CMYA5: variants seen among roughly 807,000 people sequenced by gnomAD.
CMYA5 encodes the protein cardiomyopathy associated 5.
CMYA5 carries 246 observed loss-of-function variants against 318.9 expected under a neutral mutation model. That is an observed-to-expected ratio of 0.77 (90% CI 0.70 to 0.86). CMYA5 has a LOEUF of 0.86. CMYA5 is among the 40% of genes least tolerant of loss of function. The pLI, the probability that CMYA5 is intolerant of heterozygous loss-of-function variation, is 0.00. For synonymous variants in CMYA5, 1,641 were observed against 1,729.5 expected (o/e 0.95, Z 1.27); for missense variants, 4,589 against 4,678.2 (o/e 0.98, Z 0.56).
intron 9 of CMYA5, among the ~76,000 whole-genome samples, chr5:79,773,728 G>T (rs564040767): frequency 1.1e-3 from 164 of 151,976 alleles, no homozygotes; most frequent in Non-Finnish European, 2.1e-3. Context: ...GAATGAAGGG[G>T]ATTAACCAAT....
chr5:79,703,441 C>T (rs746697637), intron 1 of CMYA5, among the ~76,000 whole-genome samples: 3 of 152,204 alleles, frequency 2.0e-5, no homozygotes, highest in Non-Finnish European at 2.9e-5. Context: ...CTGTCTTACA[C>T]ACCTTGGTAT....
rs1561209254 is a variant in CMYA5 at position 79,733,713 on chromosome 5, G to A, written c.4948G>A (p.Gly1650Arg). ...TTCTAGTGATTTAGGTAGACAAAGT[G>A]GATCCATAGGTACAAAACAAGCAAA... ...EFSSDLGRQSGSIGTKQAKSP... is the reference protein window; with the variant it reads ...EFSSDLGRQSRSIGTKQAKSP... Residue 1650 changes from glycine to arginine, a missense_variant, in exon 2 of 13, where the codon GGA (glycine) becomes AGA (arginine). Gly to Arg is a moderately radical substitution (Grantham distance 125). Transcript: ENST00000446378. The A allele has an allele frequency of 6.2e-7, 1 of 1,613,796 alleles. No individual in the cohort carries two copies. The highest frequency in any genetic ancestry group is 2.2e-5 in the East Asian group (1 of 44,882).
At chr5:79,794,342 A>G (rs557849120) in intron 12 of CMYA5, among the ~76,000 whole-genome samples, 12 of 152,302 alleles carry the variant, frequency 7.9e-5, no homozygotes, top group African/African-American at 2.9e-4. Flanking sequence ...TCTGTTCTAT[A>G]TTACCTGTAT....
chr5:79,691,168 G>T (rs1028444080), intron 1 of CMYA5, among the ~76,000 whole-genome samples: 1 of 152,208 alleles, frequency 6.6e-6, no homozygotes, highest in Non-Finnish European at 1.5e-5. Flanking sequence ...GCAGAAGAGG[G>T]AGTGTTGGGC....
Position 79,736,168 on chromosome 5 carries a change from C to A in CMYA5, c.7403C>A (p.Ala2468Glu), listed in dbSNP as rs768613090. The A allele has an allele frequency of 8.7e-6, 14 of 1,613,666 alleles. No individual in the cohort carries two copies. The highest frequency in any genetic ancestry group is 1.2e-5 in the Non-Finnish European group (14 of 1,179,756). ...DNLENRSYTL[A>E]EKKVLAEKQN... The stretch of plus-strand genomic sequence containing the variant: ...TTGGAAAACAGATCATATACCTTGG[C>A]AGAAAAGAAGGTGCTGGCAGAAAAA... The change falls in exon 2 of 13, where the codon GCA becomes GAA. Residue 2468 changes from alanine (A) to glutamate (E), a missense_variant. By Grantham distance (107) the Ala-to-Glu change is moderately radical (BLOSUM62 -1). Around this residue, in one of 3 missense-constraint regions of CMYA5, gnomAD observed 2,431 missense variants for 2,495.1 expected, o/e 0.97. Transcript: ENST00000446378.
chr5:79,799,416 G>A lies in CMYA5; in HGVS notation c.12010G>A (p.Glu4004Lys), dbSNP rs1351414595. The A allele has an allele frequency of 1.2e-6, 2 of 1,613,612 alleles. No homozygotes were observed. Among genetic ancestry groups the A allele is most frequent in the East Asian group, 4.5e-5 (2 of 44,862 alleles). ...SGIVSDVHVT[E>K]RPARVGILLD... is the part of the protein sequence containing the mutation. ...TATTGTGAGTGATGTTCATGTGACT[G>A]AGCGTCCAGCCAGAGTGGGCATCCT... Residue 4004 changes from glutamate to lysine, a missense_variant, in exon 13 of 13, where the codon GAG becomes AAG. Around this residue, in one of 3 missense-constraint regions of CMYA5, gnomAD observed 2,431 missense variants for 2,495.1 expected, o/e 0.97. Transcript: ENST00000446378.
chr5:79,768,010 T>C (rs1192927097), intron 9 of CMYA5, among the ~76,000 whole-genome samples: 1 of 152,218 alleles, frequency 6.6e-6, no homozygotes, highest in African/African-American at 2.4e-5. Context: ...ATATTTAGGA[T>C]AGTTAGCTCT....
chr5:79,738,882 G>A lies in CMYA5; in HGVS notation c.10117G>A (p.Val3373Ile), dbSNP rs368917635. ...GNASPEVNLNVPVQVSFPEEE... is the reference protein window; with the variant it reads ...GNASPEVNLNIPVQVSFPEEE... ...TGCAAGTCCAGAGGTCAATCTGAAT[G>A]TCCCAGTACAAGTGTCCTTCCCGGA... The change falls in exon 2 of 13, where the codon GTC (valine) becomes ATC (isoleucine). Residue 3373 changes from valine (V) to isoleucine (I), a missense_variant. Coordinates refer to ENST00000446378, the MANE Select transcript of CMYA5 (RefSeq NM_153610.5). 6.2e-7 allele frequency: 1 copy of A among 1,613,912 alleles called. No individual in the cohort carries two copies. Among genetic ancestry groups the A allele is most frequent in the Non-Finnish European group, 8.5e-7 (1 of 1,179,854 alleles).
At chr5:79,740,304 A>G in intron 2 of CMYA5, among the ~76,000 whole-genome samples, 1 of 152,234 alleles carries the variant, frequency 6.6e-6, no homozygotes, top group Non-Finnish European at 1.5e-5. Context: ...GAGACAACAC[A>G]GGGTCACTGC....
Position 79,730,291 on chromosome 5 carries a change from T to C in CMYA5, c.1526T>C (p.Ile509Thr). The C allele has an allele frequency of 6.2e-7, 1 of 1,613,858 alleles. No individual in the cohort carries two copies. The highest frequency in any genetic ancestry group is 8.5e-7 in the Non-Finnish European group (1 of 1,179,852). ...LMLEEPEKEEIETSLPIAITP... is the reference protein window; with the variant it reads ...LMLEEPEKEETETSLPIAITP... ...TTAGAAGAACCAGAGAAAGAAGAAATAGAAACTTCCCTACCCATAGCTATT... is the reference window on the plus strand; with the variant it reads ...TTAGAAGAACCAGAGAAAGAAGAAACAGAAACTTCCCTACCCATAGCTATT... Residue 509 changes from isoleucine to threonine, a missense_variant, in exon 2 of 13, where the codon ATA becomes ACA. Coordinates refer to ENST00000446378, the MANE Select transcript of CMYA5 (RefSeq NM_153610.5).
chr5:79,735,268 A>C lies in CMYA5; in HGVS notation c.6503A>C (p.Glu2168Ala). Residue 2168 changes from glutamate to alanine, a missense_variant, in exon 2 of 13, where the codon GAG becomes GCG. Coordinates refer to ENST00000446378, the MANE Select transcript of CMYA5 (RefSeq NM_153610.5). The part of the protein sequence containing the change: ...QPKVAKPDLP[E>A]EKGKKGISSF... ...AAGGTGGCTAAGCCGGACCTTCCTG[A>C]GGAAAAGGGAAAGAAAGGAATTTCA... The C allele has an allele frequency of 6.2e-7, 1 of 1,613,866 alleles. No homozygotes were observed. The highest frequency in any genetic ancestry group is 1.7e-5 in the Admixed American group (1 of 59,988).
chr5:79,760,203 T>A (rs553367384), intron 7 of CMYA5, among the ~76,000 whole-genome samples: 2 of 146,564 alleles, frequency 1.4e-5, no homozygotes, highest in East Asian at 2.1e-4. Flanking sequence ...TTTTTTTTTT[T>A]ACTGGGTTTC....
At chr5:79,712,410 A>G (rs1827412779) in intron 1 of CMYA5, among the ~76,000 whole-genome samples, 1 of 151,872 alleles carries the variant, frequency 6.6e-6, no homozygotes, top group Non-Finnish European at 1.5e-5. Context: ...ATGGGGTATC[A>G]CCATGTTGGC....
chr5:79,768,914 G>A (rs1561225525), intron 9 of CMYA5, among the ~76,000 whole-genome samples: 1 of 149,138 alleles, frequency 6.7e-6, no homozygotes, highest in Non-Finnish European at 1.5e-5. Context: ...CATTCTCCCT[G>A]TCACTTTCAG....
At position 79,735,984 on chromosome 5, in the gene CMYA5, C is replaced by T. The variant is rs374325994; in HGVS notation, c.7219C>T (p.Pro2407Ser). Residue 2407 changes from proline (P) to serine (S), a missense_variant, in exon 2 of 13, where the codon CCA becomes TCA. Around this residue, in one of 3 missense-constraint regions of CMYA5, gnomAD observed 2,431 missense variants for 2,495.1 expected, o/e 0.97. Coordinates refer to ENST00000446378, the MANE Select transcript of CMYA5 (RefSeq NM_153610.5). Reference sequence around the variant, plus strand: ...AAATATCACAAAGGAATCAGAGAAACCAGAGTCAATTATTTTGCCAGTAGA... The same window carrying T: ...AAATATCACAAAGGAATCAGAGAAATCAGAGTCAATTATTTTGCCAGTAGA... ...SKNITKESEK[P>S]ESIILPVEES... 5 of 1,613,188 alleles carry T rather than the reference C, an allele frequency of 3.1e-6. No individual in the cohort carries two copies. In the South Asian group the frequency reaches 5.5e-5, roughly 18 times the overall value.
chr5:79,724,047 G>A (rs1053578725), intron 1 of CMYA5, among the ~76,000 whole-genome samples: 2 of 152,008 alleles, frequency 1.3e-5, no homozygotes, highest in Non-Finnish European at 2.9e-5. Context: ...GCCGGGTGTG[G>A]TACCCCAGGC....
At position 79,793,492 on chromosome 5, in the gene CMYA5, A is replaced by G; in HGVS notation, c.11845A>G (p.Thr3949Ala). The G allele has an allele frequency of 4.3e-6, 7 of 1,613,884 alleles. No individual in the cohort carries two copies. Among genetic ancestry groups the G allele is most frequent in the Non-Finnish European group, 5.9e-6 (7 of 1,179,810 alleles). The change falls in exon 12 of 13, where the codon ACC becomes GCC. Residue 3949 changes from threonine (T) to alanine (A), a missense_variant. Transcript: ENST00000446378. ...LPSCGQHYWE[T>A]TVTDCPAYRL... is the part of the protein sequence containing the mutation. ...TTCCTGTGGCCAGCATTACTGGGAA[A>G]CCACAGTCACAGACTGCCCAGCATA...
intron 9 of CMYA5, among the ~76,000 whole-genome samples, chr5:79,787,283 T>C (rs967955682): frequency 1.6e-4 from 24 of 152,134 alleles, no homozygotes; most frequent in African/African-American, 5.1e-4. Flanking sequence ...ACATGATAAG[T>C]GATCAATACA....
chr5:79,731,410 T>TATCA lies in CMYA5; in HGVS notation c.2646_2649dup (p.Asp884IlefsTer20), dbSNP rs766283020. ...GCCACCCCATCTGAATATGTTGTTC[T>TATCA]ATCAGACGAAGAGGCAGTCGAGTTG... On this transcript the variant is annotated frameshift_variant, in exon 2 of 13. Transcript: ENST00000446378. LOFTEE classifies it high-confidence loss of function. 2 of 1,613,754 alleles carry TATCA rather than the reference T, an allele frequency of 1.2e-6. No homozygotes were observed. Among genetic ancestry groups the TATCA allele is most frequent in the Admixed American group, 3.3e-5 (2 of 59,998 alleles).
Sources: gnomAD v4.1 joint callset for allele counts (sites outside exome capture counted in the v4.1 genomes callset) on GRCh38, gnomAD v4.1.1 for gene constraint, gnomAD v4.1.1 regional missense constraint, MANE v1.5 for transcripts, NCBI Gene and HGNC (gene_info 2026-07-23, HGNC 2026-07-21) for gene names.